MMP2: variants seen among roughly 807,000 people sequenced by gnomAD.
MMP2 encodes the protein matrix metallopeptidase 2.
In MMP2, 39 loss-of-function variants were observed where a neutral mutation model predicts 74.8. That is an observed-to-expected ratio of 0.52 (90% confidence interval 0.40 to 0.68). The LOEUF is 0.68. MMP2 is among the 30% of genes least tolerant of loss of function. The probability of loss-of-function intolerance (pLI) is 0.00; values close to 1 mark genes in which losing one functional copy is unlikely to be tolerated. For synonymous variants in MMP2, 367 were observed against 339.8 expected (o/e 1.08, Z -0.88); for missense variants, 803 against 878.3 (o/e 0.91, Z 1.08).
At chr16:55,499,486 G>C (rs960428166) in intron 11 of MMP2, among the ~76,000 whole-genome samples, 1 of 152,152 alleles carries the variant, frequency 6.6e-6, no homozygotes, top group African/African-American at 2.4e-5. Context: ...GTGGCTGTGG[G>C]TGCAGGTTGG....
chr16:55,489,144 G>T (rs1164502261), intron 6 of MMP2, among the ~76,000 whole-genome samples: 1 of 151,958 alleles, frequency 6.6e-6, no homozygotes, highest in African/African-American at 2.4e-5. Flanking sequence ...TCTCCTTCCT[G>T]CCCTCCTCTC....
rs146721430 is a variant in MMP2 at position 55,496,306 on chromosome 16, A to C, written c.1473-620A>C. Among the ~76,000 whole-genome samples the C allele has an allele frequency of 4.1e-4, 63 of 152,310 alleles. No individual in the cohort carries two copies. In the East Asian group the frequency reaches 0.012, roughly 29 times the overall value. ...ATGGGGGTAGGGGACACAGGGTCAG[A>C]GGAGGTGAAGGCTGGATCATAAATG... On this transcript the variant is annotated intron_variant, in intron 9 of 12. Coordinates refer to ENST00000219070, the MANE Select transcript of MMP2 (RefSeq NM_004530.6).
intron 6 of MMP2, 114 bp downstream of exon 6, chr16:55,488,830 C>T (rs1233199703): frequency 8.8e-7 from 1 of 1,138,832 alleles, no homozygotes; most frequent in Non-Finnish European, 1.3e-6. Context: ...GGTGCTAAGA[C>T]ATCTGTGCGA....
In MMP2 at chr16:55,485,779, T is replaced by C; in HGVS notation, c.832+2T>C. 6.2e-7 allele frequency: 1 copy of C among 1,613,118 alleles called. No homozygotes were observed. The highest frequency in any genetic ancestry group is 1.1e-5 in the South Asian group (1 of 91,058). The stretch of plus-strand genomic sequence containing the variant: ...AGTACGGCTTCTGTCCCCATGAAGG[T>C]GAGCATCCACTCTAGTCCCCAAGAC... On this transcript the variant is annotated splice_donor_variant, in intron 5 of 12. Coordinates refer to ENST00000219070, the MANE Select transcript of MMP2 (RefSeq NM_004530.6). LOFTEE classifies it high-confidence loss of function.
At chr16:55,502,709 C>G (rs1962695298) in intron 11 of MMP2, 70 bp from the exon 12 acceptor site, 2 of 1,399,050 alleles carry the variant, frequency 1.4e-6, no homozygotes, top group Admixed American at 1.7e-5. Context: ...GCTGGGTGCT[C>G]CCATCCAGGC....
rs747149602 is a variant in MMP2 at position 55,488,639 on chromosome 16, G to T, written c.929G>T (p.Arg310Leu). The change falls in exon 6 of 13, where the codon CGC becomes CTC. Residue 310 changes from arginine (R) to leucine (L), a missense_variant. This residue lies in a region of MMP2 where 555 missense variants were observed against 592.0 expected (regional missense o/e 0.94). Coordinates refer to ENST00000219070, the MANE Select transcript of MMP2 (RefSeq NM_004530.6). ...TSYDSCTTEG[R>L]TDGYRWCGTT... ...TATGACAGCTGCACCACTGAGGGCCGCACGGATGGCTACCGCTGGTGCGGC... is the reference window on the plus strand; with the variant it reads ...TATGACAGCTGCACCACTGAGGGCCTCACGGATGGCTACCGCTGGTGCGGC... 15 of 1,613,544 alleles carry T rather than the reference G, an allele frequency of 9.3e-6. No individual in the cohort carries two copies. The highest frequency in any genetic ancestry group is 1.3e-5 in the Non-Finnish European group (15 of 1,179,822).
intron 6 of MMP2, among the ~76,000 whole-genome samples, chr16:55,489,190 C>T (rs190200340): frequency 3.3e-4 from 50 of 152,296 alleles, no homozygotes; most frequent in African/African-American, 1.1e-3. Context: ...CTTCCTCCAA[C>T]AGGAATTTAC....
rs766013561 is a variant in MMP2, at chr16:55,479,460, C to T, written c.-20C>T. On this transcript the variant is annotated 5_prime_UTR_variant, in exon 1 of 13. Transcript: ENST00000219070. ...GAGCCAGCGACCCCCGGGCGACGCG[C>T]GGGGCCAGGGAGCGCTACGATGGAG... The T allele has an allele frequency of 3.4e-6, 5 of 1,491,734 alleles. No homozygotes were observed. Among genetic ancestry groups the T allele is most frequent in the Admixed American group, 4.7e-5 (2 of 42,718 alleles). The allele number at this position is 1,491,734 out of a possible 1,614,324, so 92.4% of individuals were successfully genotyped here.
chr16:55,505,561 G>A lies in MMP2; in HGVS notation c.*119G>A, dbSNP rs1275672282. ...GTGCCTTCAGCTCTACAGCTAATCAGCATTCTCACTCCTACCTGGTAATTT... is the reference window on the plus strand; with the variant it reads ...GTGCCTTCAGCTCTACAGCTAATCAACATTCTCACTCCTACCTGGTAATTT... On this transcript the variant is annotated 3_prime_UTR_variant, in exon 13 of 13. Transcript: ENST00000219070. 2 of 807,830 alleles carry A rather than the reference G, an allele frequency of 2.5e-6. No homozygotes were observed. Among genetic ancestry groups the A allele is most frequent in the Admixed American group, 1.9e-5 (1 of 52,446 alleles). 50.0% of individuals were successfully genotyped at this position (807,830 alleles called of 1,614,324 possible). A position where few individuals can be genotyped will look rare whatever the true frequency, so the allele number is the denominator to read the frequency against.
intron 1 of MMP2, chr16:55,481,616 C>T: frequency 8.4e-6 from 4 of 475,674 alleles, no homozygotes; most frequent in South Asian, 4.1e-5. Context: ...TCTTACCCAG[C>T]CCCCCACTCA....
rs1962351758 is a variant in MMP2, at chr16:55,489,685, C to T, written c.1041C>T (p.Ala347=). 1 of 1,614,022 alleles carries T rather than the reference C, an allele frequency of 6.2e-7. No individual in the cohort carries two copies. The highest frequency in any genetic ancestry group is 2.2e-5 in the East Asian group (1 of 44,876). ...MSTVGGNSEG[A]PCVFPFTFLG... is the part of the protein sequence containing the mutation. ...CTGTTGGTGGGAACTCAGAAGGTGC[C>T]CCCTGTGTCTTCCCCTTCACTTTCC... Residue 347 remains alanine (A), a synonymous_variant, in exon 7 of 13, where the codon GCC becomes GCT. Coordinates refer to ENST00000219070, the MANE Select transcript of MMP2 (RefSeq NM_004530.6).
At chr16:55,491,988 G>T (rs372001081) in intron 8 of MMP2, 32 bp downstream of exon 8, 2 of 1,460,736 alleles carry the variant, frequency 1.4e-6, no homozygotes, top group Admixed American at 3.4e-5. Flanking sequence ...GGGGGTGGAG[G>T]GTGAGGAGGG....
At position 55,485,325 on chromosome 16, in the gene MMP2, G is replaced by A. The variant is rs1962214655; in HGVS notation, c.556G>A (p.Gly186Ser). 13 of 1,614,106 alleles carry A rather than the reference G, an allele frequency of 8.1e-6. No individual in the cohort carries two copies. The highest frequency in any genetic ancestry group is 1.3e-5 in the African/African-American group (1 of 74,994). Reference sequence around the variant, plus strand: ...GCATGGCGATGGATACCCCTTTGACGGTAAGGACGGACTCCTGGCTCATGC... The same window carrying A: ...GCATGGCGATGGATACCCCTTTGACAGTAAGGACGGACTCCTGGCTCATGC... ...WEHGDGYPFDGKDGLLAHAFA... is the reference protein window; with the variant it reads ...WEHGDGYPFDSKDGLLAHAFA... The change falls in exon 4 of 13, where the codon GGT becomes AGT. Residue 186 changes from glycine (G) to serine (S), a missense_variant. Gly to Ser is a moderately conservative substitution (Grantham distance 56). Coordinates refer to ENST00000219070, the MANE Select transcript of MMP2 (RefSeq NM_004530.6).
chr16:55,485,831 G>T, intron 5 of MMP2, 54 bp downstream of exon 5: 1 of 1,588,226 alleles, frequency 6.3e-7, no homozygotes, highest in South Asian at 1.1e-5. Context: ...CCAGCTTCCC[G>T]GGCTCCCCAG....
intron 12 of MMP2, among the ~76,000 whole-genome samples, chr16:55,503,102 C>A (rs1962711553): frequency 6.6e-6 from 1 of 152,188 alleles, no homozygotes; most frequent in Non-Finnish European, 1.5e-5. Flanking sequence ...CCCAGAAAGA[C>A]TTCTCACAGC....
chr16:55,491,359 G>A (rs1385655114), intron 7 of MMP2, among the ~76,000 whole-genome samples: 1 of 152,096 alleles, frequency 6.6e-6, no homozygotes, highest in Non-Finnish European at 1.5e-5. Context: ...GGGCAGAAAT[G>A]GTGGCAACAT....
rs147507571 is a variant in MMP2, at chr16:55,498,389, C to T, written c.1710C>T (p.Ala570=). The part of the protein sequence containing the change: ...GLPPDVQRVD[A]AFNWSKNKKT... ...CCCCTGATGTCCAGCGAGTGGATGCCGCCTTTAACTGGAGCAAAAACAAGA... is the reference window on the plus strand; with the variant it reads ...CCCCTGATGTCCAGCGAGTGGATGCTGCCTTTAACTGGAGCAAAAACAAGA... The change falls in exon 11 of 13, where the codon GCC becomes GCT. Residue 570 remains alanine, a synonymous_variant. Transcript: ENST00000219070. The T allele has an allele frequency of 4.2e-5, 67 of 1,614,218 alleles. No homozygotes were observed. The African/African-American group carries it at 6.0e-4, about 14-fold the overall frequency.
chr16:55,481,269 T>C (rs575357395), intron 1 of MMP2, among the ~76,000 whole-genome samples: 2 of 152,178 alleles, frequency 1.3e-5, no homozygotes, highest in South Asian at 4.1e-4. Context: ...AACCGAGGGT[T>C]TCTCTCCCTT....
chr16:55,493,894 G>T (rs1962474010), intron 9 of MMP2, among the ~76,000 whole-genome samples: 1 of 152,078 alleles, frequency 6.6e-6, no homozygotes, highest in African/African-American at 2.4e-5. Flanking sequence ...AGAAAGAGGT[G>T]GTATTCTTCA....
Sources: gnomAD v4.1 joint callset for allele counts (sites outside exome capture counted in the v4.1 genomes callset) on GRCh38, gnomAD v4.1.1 for gene constraint, gnomAD v4.1.1 regional missense constraint, MANE v1.5 for transcripts, NCBI Gene and HGNC (gene_info 2026-07-23, HGNC 2026-07-21) for gene names.